PHGDH: variants seen among roughly 807,000 people sequenced by gnomAD.
PHGDH encodes D-3-phosphoglycerate dehydrogenase.
A neutral mutation model predicts 52.6 loss-of-function variants in PHGDH; 50 were observed. The ratio of observed to expected loss-of-function variants is 0.95; its 90% CI spans 0.76 to 1.20. The LOEUF (loss-of-function observed/expected upper bound fraction) is 1.20, where lower values mean the gene tolerates loss of function less well. Among genes scored for constraint, PHGDH ranks in the 50% most tolerant of loss-of-function variants. The probability of loss-of-function intolerance (pLI) is 0.00; values close to 1 mark genes in which losing one functional copy is unlikely to be tolerated. For missense variants in PHGDH, 630 were observed against 684.6 expected, an observed-to-expected ratio of 0.92 and a Z score of 0.89; for synonymous variants, 271 against 280.5, an observed-to-expected ratio of 0.97 and a Z score of 0.34.
chr1:119,723,538 G>A lies in PHGDH; in HGVS notation c.356+97G>A, dbSNP rs17024138. ...ACCCAGAAAAACTTAGAAACATTTC[G>A]TCTCAGCGACTTGCAGACTGCTAAG... On this transcript the variant is annotated intron_variant, in intron 3 of 11. Coordinates refer to ENST00000641023, the MANE Select transcript of PHGDH (RefSeq NM_006623.4). 3.1e-3 allele frequency: 2,992 copies of A among 973,364 alleles called. 52 individuals carry two copies. The African/African-American group carries it at 0.041, about 13-fold the overall frequency. 60.3% of individuals were successfully genotyped at this position (973,364 alleles called of 1,614,324 possible).
At chr1:119,724,104 T>A (rs2101162249) in intron 3 of PHGDH, among the ~76,000 whole-genome samples, 1 of 152,288 alleles carries the variant, frequency 6.6e-6, no homozygotes, top group South Asian at 2.1e-4. Context: ...TGGCACAGAA[T>A]GTGCTTGAGT....
rs1557971965 is a variant in PHGDH, at chr1:119,727,040, A to G, written c.448A>G (p.Ile150Val). The G allele has an allele frequency of 1.2e-6, 2 of 1,613,694 alleles. No homozygotes were observed. The highest frequency in any genetic ancestry group is 1.7e-6 in the Non-Finnish European group (2 of 1,179,666). Residue 150 changes from isoleucine to valine, a missense_variant, in exon 5 of 12, where the codon ATT becomes GTT. Physicochemically the swap from Ile to Val is conservative, Grantham distance 29 (BLOSUM62 3). Coordinates refer to ENST00000641023, the MANE Select transcript of PHGDH (RefSeq NM_006623.4). ...GTELNGKTLG[I>V]LGLGRIGREV... ...AGAGCTGAATGGAAAGACCCTGGGA[A>G]TTCTTGGCCTGGGCAGGATTGGGAG...
intron 5 of PHGDH, among the ~76,000 whole-genome samples, chr1:119,728,902 C>A (rs1366155048): frequency 2.0e-5 from 3 of 152,222 alleles, no homozygotes; most frequent in East Asian, 3.8e-4. Context: ...CCTTTTTCTA[C>A]ATCCCTCCTA....
intron 8 of PHGDH, among the ~76,000 whole-genome samples, chr1:119,737,617 C>T (rs903486601): frequency 6.6e-6 from 1 of 152,150 alleles, no homozygotes; most frequent in Admixed American, 6.5e-5. Context: ...TGGACGCAGC[C>T]GCAGCAGGTG....
At chr1:119,721,355 A>T (rs767400726) in intron 2 of PHGDH, 34 bp downstream of exon 2, 26 of 1,607,344 alleles carry the variant, frequency 1.6e-5, no homozygotes, top group Admixed American at 1.2e-4. Context: ...GTTTGGGGGT[A>T]GGGGGGTGAG....
intron 1 of PHGDH, among the ~76,000 whole-genome samples, chr1:119,716,166 T>TGACTGATGTGGGATGTCTGG (rs1650925798): frequency 6.6e-6 from 1 of 152,160 alleles, no homozygotes; most frequent in Non-Finnish European, 1.5e-5. Context: ...TCATTAACTC[T>TGACTGATGTGGGATGTCTGG]GACTGATGTG....
intron 1 of PHGDH, among the ~76,000 whole-genome samples, chr1:119,718,017 C>T (rs1237274520): frequency 6.6e-6 from 1 of 152,190 alleles, no homozygotes; most frequent in Non-Finnish European, 1.5e-5. Context: ...GTGAGCTTGC[C>T]TACAGGCCAC....
chr1:119,743,946 G>A lies in PHGDH; in HGVS notation c.1508G>A (p.Gly503Glu). Residue 503 changes from glycine to glutamate, a missense_variant, in exon 12 of 12, where the codon GGG (glycine) becomes GAG (glutamate). Transcript: ENST00000641023. Reference sequence around the variant, plus strand: ...TACCAGACTTCACTGGTGTCAGATGGGGAGACCTGGCACGTCATGGGCATC... The same window carrying A: ...TACCAGACTTCACTGGTGTCAGATGAGGAGACCTGGCACGTCATGGGCATC... Reference protein sequence around the residue: ...LSYQTSLVSDGETWHVMGISS... With the variant: ...LSYQTSLVSDEETWHVMGISS... The A allele has an allele frequency of 1.2e-6, 2 of 1,613,474 alleles. 1 individual carries two copies. Among genetic ancestry groups the A allele is most frequent in the Non-Finnish European group, 1.7e-6 (2 of 1,179,372 alleles).
At chr1:119,740,956 A>T (rs1039693526) in intron 9 of PHGDH, among the ~76,000 whole-genome samples, 4 of 152,282 alleles carry the variant, frequency 2.6e-5, no homozygotes, top group Middle Eastern at 3.4e-3. Context: ...TTAGGGGCAG[A>T]TGAGCCAGGA....
chr1:119,741,941 C>G (rs1652229143), intron 10 of PHGDH, 44 bp downstream of exon 10: 13 of 1,536,198 alleles, frequency 8.5e-6, no homozygotes, highest in Non-Finnish European at 1.1e-5. Flanking sequence ...CCTGTCAGCA[C>G]TAGTCTTCTC....
At chr1:119,742,152 A>C (rs114020859) in intron 10 of PHGDH, 1 of 529,944 alleles carries the variant, frequency 1.9e-6, no homozygotes, top group Admixed American at 3.1e-5. Flanking sequence ...TTTCACAGCC[A>C]AAGAAAATGA....
At chr1:119,734,097 C>T (rs911184090) in intron 5 of PHGDH, among the ~76,000 whole-genome samples, 1 of 152,198 alleles carries the variant, frequency 6.6e-6, no homozygotes, top group African/African-American at 2.4e-5. Context: ...CTTCTGCTCA[C>T]TCTGTTTTAG....
In PHGDH at chr1:119,743,886, G is replaced by A. The variant is rs1032197642; in HGVS notation, c.1448G>A (p.Gly483Asp). Residue 483 changes from glycine (G) to aspartate (D), a missense_variant and splice_region_variant, in exon 12 of 12, where the codon GGC (glycine) becomes GAC (aspartate). Transcript: ENST00000641023. ...SDPAMLPTMI[G>D]LLAEAGVRLL... ...AACCAGGAGTTTCTTCTATTTCCAGGCCTCCTGGCAGAGGCAGGCGTGCGG... is the reference window on the plus strand; with the variant it reads ...AACCAGGAGTTTCTTCTATTTCCAGACCTCCTGGCAGAGGCAGGCGTGCGG... The A allele has an allele frequency of 6.2e-7, 1 of 1,612,898 alleles. No homozygotes were observed. The highest frequency in any genetic ancestry group is 8.5e-7 in the Non-Finnish European group (1 of 1,179,150).
chr1:119,727,558 C>A (rs839618), intron 5 of PHGDH: 1 of 208,636 alleles, frequency 4.8e-6, no homozygotes, highest in South Asian at 8.2e-5. Context: ...TGGCCGGGCG[C>A]GGTGGCTCAC....
intron 5 of PHGDH, among the ~76,000 whole-genome samples, chr1:119,730,739 C>T (rs587611476): frequency 4.6e-5 from 7 of 152,240 alleles, no homozygotes; most frequent in South Asian, 4.2e-4. Flanking sequence ...ATGATTCCCT[C>T]GGGGTTCGGA....
rs587694676 is a variant in PHGDH at position 119,719,340 on chromosome 1, A to G, written c.139-1830A>G. On this transcript the variant is annotated intron_variant, in intron 1 of 11. Coordinates refer to ENST00000641023, the MANE Select transcript of PHGDH (RefSeq NM_006623.4). The stretch of plus-strand genomic sequence containing the variant: ...AAAAGTACAGGGGAGGGGAAGGGAA[A>G]GTAGGCAGGCTTAACTTTGTTGGGC... 2.0e-5 allele frequency among the ~76,000 whole-genome samples: 3 copies of G among 152,330 alleles called. No homozygotes were observed. In the South Asian group the frequency reaches 6.2e-4, roughly 32 times the overall value.
chr1:119,717,467 G>A (rs993859057), intron 1 of PHGDH, among the ~76,000 whole-genome samples: 2 of 151,862 alleles, frequency 1.3e-5, no homozygotes, highest in Non-Finnish European at 2.9e-5. Context: ...CTTATGAAAG[G>A]TTTTCCCAAT....
chr1:119,731,286 T>C (rs12094392), intron 5 of PHGDH, among the ~76,000 whole-genome samples: 6,932 of 152,294 alleles, frequency 0.046, 274 homozygotes, highest in African/African-American at 0.1. Context: ...CTCTATACTG[T>C]TGTGTCTGCG....
intron 5 of PHGDH, chr1:119,727,665 TAA>T (rs587769490): frequency 5.3e-4 from 61 of 115,008 alleles, no homozygotes; most frequent in Admixed American, 7.1e-4. Flanking sequence ...GCATCGCTAC[TAA>T]AAAAAAAAAA....
Sources: gnomAD v4.1 joint callset for allele counts (sites outside exome capture counted in the v4.1 genomes callset) on GRCh38, gnomAD v4.1.1 for gene constraint, MANE v1.5 for transcripts, NCBI Gene and HGNC (gene_info 2026-07-23, HGNC 2026-07-21) for gene names.